USP1: variants seen among roughly 807,000 people sequenced by gnomAD.
The protein encoded by USP1 is ubiquitin specific peptidase 1.
In USP1, 18 loss-of-function variants were observed where a neutral mutation model predicts 72.2. The observed-to-expected ratio is 0.25, with a 90% confidence interval of 0.17 to 0.37. The LOEUF is 0.37. USP1 is among the 10% of genes least tolerant of loss of function. The pLI, the probability that USP1 is intolerant of heterozygous loss-of-function variation, is 1.00. For synonymous variants in USP1, 354 were observed against 303.7 expected, an observed-to-expected ratio of 1.17 and a Z score of -1.72; for missense variants, 759 against 884.9, an observed-to-expected ratio of 0.86 and a Z score of 1.81.
rs778631907 is a variant in USP1, at chr1:62,443,345, G to A, written c.557+26G>A. 4 of 1,558,610 alleles carry A rather than the reference G, an allele frequency of 2.6e-6. No homozygotes were observed. The Admixed American group carries it at 6.3e-5, about 25-fold the overall frequency. On this transcript the variant is annotated intron_variant, in intron 5 of 8. Transcript: ENST00000339950. ...GTATAGCCTATAATATAATTTTAGG[G>A]TTTCAATTTAGCTACTTGTTTATAT...
At position 62,450,947 on chromosome 1, in the gene USP1, C is replaced by T. The variant is rs1645212143; in HGVS notation, c.2324C>T (p.Ser775Phe). The change falls in exon 9 of 9, where the codon TCT becomes TTT. Residue 775 changes from serine to phenylalanine, a missense_variant. By Grantham distance (155) the Ser-to-Phe change is radical. Transcript: ENST00000339950. ...NSLSPSTSPT[S>F]TPYLLFYKKL ...CTTTCCCCTTCTACATCTCCTACTT[C>T]TACTCCTTACTTGCTATTTTATAAG... is the stretch of plus-strand genomic sequence containing the variant. 3.7e-6 allele frequency: 6 copies of T among 1,602,466 alleles called. No individual in the cohort carries two copies. The highest frequency in any genetic ancestry group is 5.1e-6 in the Non-Finnish European group (6 of 1,176,924).
rs1196456757 is a variant in USP1 at position 62,442,286 on chromosome 1, A to G, written c.383A>G (p.Asn128Ser). The change falls in exon 4 of 9, where the codon AAT becomes AGT. Residue 128 changes from asparagine (N) to serine (S), a missense_variant. Physicochemically the swap from Asn to Ser is conservative, Grantham distance 46. This residue lies in a region of USP1 where 71 missense variants were observed against 71.0 expected (regional missense o/e 1.00). Transcript: ENST00000339950. ...RKKEALKDEA[N>S]QKDKGNCKED... ...AAAGAAGCTCTAAAGGATGAAGCCA[A>G]TCAAAAAGACAAGGTAAGAAAAATA... The G allele has an allele frequency of 6.9e-6, 11 of 1,591,306 alleles. No individual in the cohort carries two copies. The highest frequency in any genetic ancestry group is 1.1e-5 in the South Asian group (1 of 87,120).
Position 62,444,900 on chromosome 1 carries a change from A to G in USP1, c.720A>G (p.Lys240=). 6.2e-7 allele frequency: 1 copy of G among 1,613,732 alleles called. No individual in the cohort carries two copies. The highest frequency in any genetic ancestry group is 8.5e-7 in the Non-Finnish European group (1 of 1,179,840). Reference sequence around the variant, plus strand: ...AGGTAGAAGAAATACCTCATCCGAAAGAGGAAATGAATGGTATTAACAGCA... The same window carrying G: ...AGGTAGAAGAAATACCTCATCCGAAGGAGGAAATGAATGGTATTAACAGCA... The part of the protein sequence containing the change: ...PTKVEEIPHP[K]EEMNGINSIE... The change falls in exon 6 of 9, where the codon AAA becomes AAG. Residue 240 remains lysine, a synonymous_variant. Transcript: ENST00000339950.
intron 5 of USP1, among the ~76,000 whole-genome samples, chr1:62,444,271 A>T (rs1360700055): frequency 7.0e-6 from 1 of 143,652 alleles, no homozygotes; most frequent in Admixed American, 7.0e-5. Flanking sequence ...AAAAAAAAAA[A>T]AAAAAAAAAG....
Position 62,439,939 on chromosome 1 carries a change from C to A in USP1, c.72C>A (p.Ser24=). 6.4e-7 allele frequency: 1 copy of A among 1,568,524 alleles called. No individual in the cohort carries two copies. The highest frequency in any genetic ancestry group is 8.6e-7 in the Non-Finnish European group (1 of 1,162,062). The part of the protein sequence containing the change: ...RGSPSKKNRL[S]LKFFQKKETK... Reference sequence around the variant, plus strand: ...GCCCTTCAAAGAAAAACAGACTTTCCTTAAAGTTTTTTCAGAAAAAGGAAA... The same window carrying A: ...GCCCTTCAAAGAAAAACAGACTTTCATTAAAGTTTTTTCAGAAAAAGGAAA... The change falls in exon 2 of 9, where the codon TCC becomes TCA. Residue 24 remains serine (S), a synonymous_variant. Transcript: ENST00000339950.
Position 62,442,213 on chromosome 1 carries a change from G to T in USP1, c.310G>T (p.Gly104Cys). The part of the protein sequence containing the change: ...SILQVLYFCP[G>C]FKSGVKHLFN... Reference sequence around the variant, plus strand: ...TTTATAGGTATTATATTTTTGTCCCGGTTTTAAATCTGGAGTAAAGCACTT... The same window carrying T: ...TTTATAGGTATTATATTTTTGTCCCTGTTTTAAATCTGGAGTAAAGCACTT... Residue 104 changes from glycine (G) to cysteine (C), a missense_variant, in exon 4 of 9, where the codon GGT (glycine) becomes TGT (cysteine). By Grantham distance (159) the Gly-to-Cys change is radical. Around this residue, in one of 9 missense-constraint regions of USP1, gnomAD observed 13 missense variants for 35.5 expected, o/e 0.37. Transcript: ENST00000339950. 6.3e-7 allele frequency: 1 copy of T among 1,596,232 alleles called. No homozygotes were observed. The highest frequency in any genetic ancestry group is 8.6e-7 in the Non-Finnish European group (1 of 1,167,664).
chr1:62,446,798 C>G (rs1156506146), intron 6 of USP1, among the ~76,000 whole-genome samples: 1 of 151,798 alleles, frequency 6.6e-6, no homozygotes, highest in Non-Finnish European at 1.5e-5. Context: ...ATACAACTGA[C>G]TTTTTTTTAT....
At position 62,442,275 on chromosome 1, in the gene USP1, G is replaced by A. The variant is rs1484287449; in HGVS notation, c.372G>A (p.Lys124=). 4.4e-6 allele frequency: 7 copies of A among 1,598,270 alleles called. No individual in the cohort carries two copies. Among genetic ancestry groups the A allele is most frequent in the East Asian group, 2.2e-5 (1 of 44,660 alleles). Residue 124 remains lysine, a synonymous_variant, in exon 4 of 9, where the codon AAG becomes AAA. Transcript: ENST00000339950. The part of the protein sequence containing the change: ...NIISRKKEAL[K]DEANQKDKGN... ...TTTCAAGGAAGAAAGAAGCTCTAAA[G>A]GATGAAGCCAATCAAAAAGACAAGG...
chr1:62,443,074 G>C lies in USP1; in HGVS notation c.397-85G>C, dbSNP rs907823017. 3.6e-6 allele frequency: 5 copies of C among 1,384,436 alleles called. No individual in the cohort carries two copies. In the African/African-American group the frequency reaches 7.4e-5, roughly 20 times the overall value. 85.8% of individuals were successfully genotyped at this position (1,384,436 alleles called of 1,614,324 possible). ...GCTATTATGCAACTTAGAAAATCTA[G>C]TATTCTTAAGTGAGACAAAGACAAA... On this transcript the variant is annotated intron_variant, in intron 4 of 8. Transcript: ENST00000339950.
chr1:62,439,893 G>A lies in USP1; in HGVS notation c.26G>A (p.Ser9Asn), dbSNP rs1645120641. Residue 9 changes from serine to asparagine, a missense_variant, in exon 2 of 9, where the codon AGT (serine) becomes AAT (asparagine). By Grantham distance (46) the Ser-to-Asn change is conservative. Around this residue, in one of 9 missense-constraint regions of USP1, gnomAD observed 86 missense variants for 82.0 expected, o/e 1.05. Transcript: ENST00000339950. ...ATGCCTGGTGTCATACCTAGTGAAAGTAATGGACTTTCAAGAGGTAGCCCT... is the reference window on the plus strand; with the variant it reads ...ATGCCTGGTGTCATACCTAGTGAAAATAATGGACTTTCAAGAGGTAGCCCT... MPGVIPSE[S>N]NGLSRGSPSK... 1.3e-6 allele frequency: 2 copies of A among 1,516,744 alleles called. No individual in the cohort carries two copies. The highest frequency in any genetic ancestry group is 1.8e-6 in the Non-Finnish European group (2 of 1,137,744). 94.0% of individuals were successfully genotyped at this position (1,516,744 alleles called of 1,614,324 possible).
At chr1:62,438,102 T>C (rs112955249) in intron 1 of USP1, among the ~76,000 whole-genome samples, 154 of 152,158 alleles carry the variant, frequency 1.0e-3, no homozygotes, top group African/African-American at 3.6e-3. Context: ...CCTGGCAAAA[T>C]GTTACATTCT....
chr1:62,444,047 T>A (rs894219661), intron 5 of USP1, among the ~76,000 whole-genome samples: 2 of 152,004 alleles, frequency 1.3e-5, no homozygotes, highest in Non-Finnish European at 2.9e-5. Context: ...TCATTTGAGG[T>A]CAGGAGTTCA....
Position 62,439,830 on chromosome 1 carries a change from A to G in USP1, c.-38A>G, listed in dbSNP as rs769254003. The G allele has an allele frequency of 4.5e-6, 6 of 1,343,408 alleles. No homozygotes were observed. The highest frequency in any genetic ancestry group is 4.2e-4 in the Middle Eastern group (2 of 4,752). The allele number at this position is 1,343,408 out of a possible 1,614,324, so 83.2% of individuals were successfully genotyped here. A position where few individuals can be genotyped will look rare whatever the true frequency, so the allele number is the denominator to read the frequency against. ...TTGGTGATTACAACTTTCCTCTATA[A>G]ATTAACTCTTGACACTCCTTGGGAT... On this transcript the variant is annotated 5_prime_UTR_variant, in exon 2 of 9. Transcript: ENST00000339950.
chr1:62,442,128 GTTGTT>G, intron 3 of USP1, 62 bp from the exon 4 acceptor site: 6 of 1,087,224 alleles, frequency 5.5e-6, no homozygotes, highest in Non-Finnish European at 6.7e-6. Flanking sequence ...AAAGCATGAT[GTTGTT>G]TTAATGATTT....
intron 8 of USP1, 87 bp from the exon 9 acceptor site, chr1:62,450,159 A>C (rs1270286551): frequency 1.3e-6 from 2 of 1,493,976 alleles, no homozygotes; most frequent in African/African-American, 1.4e-5. Context: ...GGGTTCATTC[A>C]GATTTTTACT....
At chr1:62,444,370 G>C (rs747338421) in intron 5 of USP1, among the ~76,000 whole-genome samples, 5 of 151,362 alleles carry the variant, frequency 3.3e-5, no homozygotes, top group Non-Finnish European at 7.4e-5. Flanking sequence ...TATTTAACCT[G>C]TCTGTGCCTT....
Position 62,450,371 on chromosome 1 carries a change from T to C in USP1, c.1748T>C (p.Met583Thr). Reference protein sequence around the residue: ...NDSYGLFAVVMHSGITISSGH... With the variant: ...NDSYGLFAVVTHSGITISSGH... ...AGCTATGGATTATTTGCGGTTGTGA[T>C]GCATAGTGGCATTACAATTAGTAGT... Residue 583 changes from methionine (M) to threonine (T), a missense_variant, in exon 9 of 9, where the codon ATG (methionine) becomes ACG (threonine). Met to Thr is a moderately conservative substitution (Grantham distance 81). This residue lies in a region of USP1 where 140 missense variants were observed against 222.8 expected (regional missense o/e 0.63). Transcript: ENST00000339950. The C allele has an allele frequency of 6.2e-7, 1 of 1,614,202 alleles. No homozygotes were observed. Among genetic ancestry groups the C allele is most frequent in the Non-Finnish European group, 8.5e-7 (1 of 1,180,036 alleles).
At chr1:62,447,878 C>G (rs1392741153) in intron 7 of USP1, among the ~76,000 whole-genome samples, 1 of 152,138 alleles carries the variant, frequency 6.6e-6, no homozygotes, top group African/African-American at 2.4e-5. Flanking sequence ...GCTCCGCCTT[C>G]TGGGTTCATG....
chr1:62,446,219 C>T (rs567135286), intron 6 of USP1, among the ~76,000 whole-genome samples: 90 of 152,106 alleles, frequency 5.9e-4, no homozygotes, highest in African/African-American at 1.9e-3. Context: ...GATGCTAGAG[C>T]GTACTACACA....
Sources: allele counts gnomAD v4.1 joint callset (sites outside exome capture counted in the v4.1 genomes callset), GRCh38; gene constraint gnomAD v4.1.1; regional missense constraint gnomAD v4.1.1; transcripts MANE v1.5; gene names NCBI Gene and HGNC (gene_info 2026-07-23, HGNC 2026-07-21).